The following LIN28B variants were observed in gnomAD, a reference collection of about 807,000 sequenced individuals.
LIN28B encodes the protein protein lin-28 homolog B.
Under a neutral mutation model 21.9 loss-of-function variants are expected in LIN28B, and 5 were observed. That is an observed-to-expected ratio of 0.23 (90% CI 0.12 to 0.48). The LOEUF (loss-of-function observed/expected upper bound fraction) is 0.48, where lower values mean the gene tolerates loss of function less well. Ranked by LOEUF, LIN28B falls within the 20% of genes least tolerant of loss-of-function variation. The pLI is 0.98. For synonymous variants in LIN28B, 109 were observed against 111.3 expected (o/e 0.98, Z 0.13); for missense variants, 245 against 310.5 (o/e 0.79, Z 1.58).
chr6:104,974,501 A>G (rs1383769376), intron 2 of LIN28B, among the ~76,000 whole-genome samples: 1 of 151,336 alleles, frequency 6.6e-6, no homozygotes, highest in Non-Finnish European at 1.5e-5. Context: ...AAAAAAAAAA[A>G]AAAGAAAAAG....
chr6:105,023,069 G>T (rs530993225), intron 2 of LIN28B, among the ~76,000 whole-genome samples: 4 of 148,176 alleles, frequency 2.7e-5, no homozygotes, highest in Non-Finnish European at 5.9e-5. Context: ...GATTTTTGGG[G>T]GAACAAATAC....
intron 2 of LIN28B, among the ~76,000 whole-genome samples, chr6:104,967,417 TA>T (rs1165941216): frequency 6.6e-6 from 1 of 151,278 alleles, no homozygotes; most frequent in Admixed American, 6.6e-5. Context: ...CTGTCTCTCC[TA>T]AAAATACAAA....
At chr6:105,021,322 G>A (rs1771137013) in intron 2 of LIN28B, among the ~76,000 whole-genome samples, 1 of 152,054 alleles carries the variant, frequency 6.6e-6, no homozygotes, top group African/African-American at 2.4e-5. Context: ...ATAGGGCTGT[G>A]CAAAACATAC....
intron 2 of LIN28B, among the ~76,000 whole-genome samples, chr6:104,989,976 CTACTT>C (rs764954523): frequency 2.6e-4 from 39 of 152,226 alleles, no homozygotes; most frequent in Admixed American, 1.2e-3. Context: ...CCATCGGAGA[CTACTT>C]TAACCACATT....
intron 2 of LIN28B, among the ~76,000 whole-genome samples, chr6:104,977,895 G>T (rs1770134662): frequency 6.6e-6 from 1 of 152,112 alleles, no homozygotes; most frequent in African/African-American, 2.4e-5. Flanking sequence ...AATTCCTACT[G>T]CAGAACATTT....
chr6:105,031,647 C>T (rs554971054), intron 3 of LIN28B, among the ~76,000 whole-genome samples: 152 of 151,762 alleles, frequency 1.0e-3, no homozygotes, highest in Non-Finnish European at 1.9e-3. Flanking sequence ...CATTCTCCTG[C>T]CTCAGCCTCC....
At position 105,080,837 on chromosome 6, in the gene LIN28B, C is replaced by T. The variant is rs1364867413; in HGVS notation, c.*2054C>T. ...AATGCAAAACATGATAGATAAGTCA[C>T]TTTGAAAATTCAAACCAAAGTTCCT... On this transcript the variant is annotated 3_prime_UTR_variant, in exon 4 of 4. Transcript: ENST00000345080. The T allele has an allele frequency of 1.3e-5, 2 of 152,544 alleles. No homozygotes were observed. The highest frequency in any genetic ancestry group is 2.9e-5 in the Non-Finnish European group (2 of 68,034). 9.4% of individuals were successfully genotyped at this position (152,544 alleles called of 1,614,324 possible). A position where few individuals can be genotyped will look rare whatever the true frequency, so the allele number is the denominator to read the frequency against.
intron 3 of LIN28B, among the ~76,000 whole-genome samples, chr6:105,052,027 T>C (rs1771917074): frequency 6.6e-6 from 1 of 152,170 alleles, no homozygotes; most frequent in Non-Finnish European, 1.5e-5. Context: ...AGAGATGACA[T>C]CTGAGCAGAG....
intron 2 of LIN28B, among the ~76,000 whole-genome samples, chr6:105,020,496 T>C (rs1295623000): frequency 2.0e-5 from 3 of 151,950 alleles, no homozygotes; most frequent in Non-Finnish European, 4.4e-5. Context: ...TTTTGTATTT[T>C]TTTGTAGAGA....
chr6:104,989,694 A>G lies in LIN28B; in HGVS notation c.198+31408A>G, dbSNP rs1770422040. Among the ~76,000 whole-genome samples the G allele has an allele frequency of 2.8e-5, 3 of 108,520 alleles. No individual in the cohort carries two copies. The South Asian group carries it at 1.0e-3, about 38-fold the overall frequency. The allele number at this position is 108,520 out of a possible 152,430, so 71.2% of individuals were successfully genotyped here. A position where few individuals can be genotyped will look rare whatever the true frequency, so the allele number is the denominator to read the frequency against. On this transcript the variant is annotated intron_variant, in intron 2 of 3. Transcript: ENST00000345080. ...CTGCAGCCTCTGCCTCGCAGTCTCA[A>G]GCAATTCTCATGCCTCAGCCTGAGT...
At chr6:105,025,735 C>A (rs1006891014) in intron 2 of LIN28B, among the ~76,000 whole-genome samples, 1 of 151,762 alleles carries the variant, frequency 6.6e-6, no homozygotes, top group African/African-American at 2.4e-5. Flanking sequence ...ATAGTGAGTC[C>A]CATATCAAAA....
chr6:105,047,643 T>A (rs1268765936), intron 3 of LIN28B, among the ~76,000 whole-genome samples: 1 of 152,204 alleles, frequency 6.6e-6, no homozygotes, highest in African/African-American at 2.4e-5. Flanking sequence ...ATTCTTCCTA[T>A]CCATGAGCAT....
Position 105,078,925 on chromosome 6 carries a change from A to C in LIN28B, c.*142A>C. On this transcript the variant is annotated 3_prime_UTR_variant, in exon 4 of 4. Transcript: ENST00000345080. ...AACTGTGAATTTTTTAAACAGACAA[A>C]TCACTCTAAGCAAATTACATTTGAG... is the stretch of plus-strand genomic sequence containing the variant. 1.1e-6 allele frequency: 1 copy of C among 902,034 alleles called. No homozygotes were observed. The highest frequency in any genetic ancestry group is 1.7e-6 in the Non-Finnish European group (1 of 603,112). The allele number at this position is 902,034 out of a possible 1,614,324, so 55.9% of individuals were successfully genotyped here. A position where few individuals can be genotyped will look rare whatever the true frequency, so the allele number is the denominator to read the frequency against.
At chr6:104,977,648 A>T (rs1265786235) in intron 2 of LIN28B, among the ~76,000 whole-genome samples, 1 of 148,352 alleles carries the variant, frequency 6.7e-6, no homozygotes, top group East Asian at 2.0e-4. Flanking sequence ...GATCACTGCA[A>T]CCTCCACCTC....
chr6:104,977,414 T>G (rs1770122471), intron 2 of LIN28B, among the ~76,000 whole-genome samples: 1 of 152,220 alleles, frequency 6.6e-6, no homozygotes, highest in African/African-American at 2.4e-5. Flanking sequence ...CTTATAAACT[T>G]CAAAACCCTT....
At chr6:105,001,285 A>G (rs1770714722) in intron 2 of LIN28B, among the ~76,000 whole-genome samples, 1 of 152,246 alleles carries the variant, frequency 6.6e-6, no homozygotes, top group Admixed American at 6.5e-5. Flanking sequence ...TGGAACACAT[A>G]TAAATCATTT....
intron 3 of LIN28B, among the ~76,000 whole-genome samples, chr6:105,071,220 CATGTCTA>C (rs1772327914): frequency 1.3e-5 from 2 of 152,160 alleles, no homozygotes; most frequent in Non-Finnish European, 2.9e-5. Context: ...TACTTATAAT[CATGTCTA>C]ATGTCTTTGA....
At chr6:105,067,982 A>G (rs535638232) in intron 3 of LIN28B, among the ~76,000 whole-genome samples, 1 of 152,214 alleles carries the variant, frequency 6.6e-6, no homozygotes, top group South Asian at 2.1e-4. Context: ...TTCATTACAT[A>G]CCCATTCCCC....
chr6:104,986,571 G>A (rs969779144), intron 2 of LIN28B, among the ~76,000 whole-genome samples: 1 of 147,868 alleles, frequency 6.8e-6, no homozygotes, highest in Non-Finnish European at 1.5e-5. Flanking sequence ...GGTTTTGATT[G>A]TGAATGCTTT....
Sources: gnomAD v4.1 joint callset for allele counts (sites outside exome capture counted in the v4.1 genomes callset) on GRCh38, gnomAD v4.1.1 for gene constraint, MANE v1.5 for transcripts, NCBI Gene and HGNC (gene_info 2026-07-23, HGNC 2026-07-21) for gene names.